The following DOK4 variants were observed in gnomAD, a reference collection of about 807,000 sequenced individuals.
DOK4 encodes the protein downstream of tyrosine kinase 4.
In DOK4, 26 loss-of-function variants were observed where a neutral mutation model predicts 40.1. The observed-to-expected ratio is 0.65, with a 90% CI of 0.48 to 0.90. The LOEUF is 0.90. Ranked by LOEUF, DOK4 falls within the 40% of genes least tolerant of loss-of-function variation. DOK4 has a pLI of 0.00. For missense variants in DOK4, 392 were observed against 437.2 expected (o/e 0.90, Z 0.92); for synonymous variants, 179 against 177.0 (o/e 1.01, Z -0.09).
intron 1 of DOK4, among the ~76,000 whole-genome samples, chr16:57,480,768 CAG>C (rs1390958119): frequency 6.6e-6 from 1 of 152,196 alleles, no homozygotes; most frequent in African/African-American, 2.4e-5. Context: ...GACTCAGACT[CAG>C]GGGGAGGCTC....
At chr16:57,482,607 TC>T (rs1483563831) in intron 1 of DOK4, among the ~76,000 whole-genome samples, 1 of 151,990 alleles carries the variant, frequency 6.6e-6, no homozygotes, top group East Asian at 1.9e-4. Context: ...GACCTTGTGA[TC>T]CACCCGCCTC....
intron 4 of DOK4, 96 bp from the exon 5 acceptor site, chr16:57,475,315 T>TA: frequency 6.5e-7 from 1 of 1,547,246 alleles, no homozygotes; most frequent in Non-Finnish European, 8.7e-7. Context: ...GCAGGGAGGG[T>TA]AAGGACAGTG....
Position 57,474,485 on chromosome 16 carries a change from T to C in DOK4, c.599+308A>G, listed in dbSNP as rs543153045. Among the ~76,000 whole-genome samples the C allele has an allele frequency of 8.5e-5, 13 of 152,284 alleles. No homozygotes were observed. The South Asian group carries it at 2.7e-3, about 32-fold the overall frequency. On this transcript the variant is annotated intron_variant, in intron 6 of 8. Transcript: ENST00000340099. ...TAATTCTAGGAGGTTAGGTACTTTA[T>C]TATCCCCGAAACCCAGACTCAGATC...
chr16:57,486,444 G>A (rs1424978520), exon 1 of DOK4: 1 of 151,946 alleles, frequency 6.6e-6, no homozygotes, highest in Non-Finnish European at 1.5e-5. Flanking sequence ...AGGGAGGCGC[G>A]GCCGCAGGGC....
chr16:57,476,045 G>A (rs751379164), intron 2 of DOK4, 88 bp from the exon 3 acceptor site: 38 of 1,132,290 alleles, frequency 3.4e-5, no homozygotes, highest in Non-Finnish European at 4.1e-5. Context: ...CCTGCCACAG[G>A]GGGCGGTGCC....
intron 1 of DOK4, chr16:57,481,981 C>T (rs1462332464): frequency 6.6e-6 from 1 of 152,124 alleles, no homozygotes; most frequent in Admixed American, 6.6e-5. Flanking sequence ...TCTCCTGCCT[C>T]GGCTTCCCGA....
In DOK4 at chr16:57,478,321, A is replaced by G. The variant is rs533505563; in HGVS notation, c.66+1121T>C. Among the ~76,000 whole-genome samples the G allele has an allele frequency of 2.6e-5, 4 of 152,184 alleles. No homozygotes were observed. In the East Asian group the frequency reaches 5.8e-4, roughly 22 times the overall value. ...ACCAGCCCTGCTCTGTCTGGTACCC[A>G]GGTAGGGAAGCTGGGTGGCAGATCC... On this transcript the variant is annotated intron_variant, in intron 2 of 8. Coordinates refer to ENST00000340099, the Ensembl canonical transcript of DOK4.
chr16:57,481,870 CTTTTTCTTTTTT>C (rs1421530343), intron 1 of DOK4: 1 of 152,194 alleles, frequency 6.6e-6, no homozygotes, highest in Non-Finnish European at 1.5e-5. Context: ...TTTTCTTTTT[CTTTTTCTTTTTT>C]GAGACGGAGT....
In DOK4 at chr16:57,479,183, C is replaced by G. The variant is rs2031314714; in HGVS notation, c.66+259G>C. ...GAGCCGCCTGCCCATCGGTGGCCAC[C>G]ATTGCTGCCACTACCACCACCACTG... On this transcript the variant is annotated intron_variant, in intron 2 of 8. Transcript: ENST00000340099. The surrounding 1 kb of genome is among the most constrained non-coding windows in gnomAD (Gnocchi z 5.8). Among the ~76,000 whole-genome samples the G allele has an allele frequency of 1.3e-5, 2 of 152,250 alleles. No individual in the cohort carries two copies. Among genetic ancestry groups the G allele is most frequent in the African/African-American group, 4.8e-5 (2 of 41,476 alleles).
chr16:57,483,308 A>C (rs539018501), intron 1 of DOK4, among the ~76,000 whole-genome samples: 3 of 152,298 alleles, frequency 2.0e-5, no homozygotes, highest in East Asian at 1.9e-4. Flanking sequence ...CCCCAAGCTG[A>C]GCCTGTGAAG....
intron 6 of DOK4, 72 bp downstream of exon 6, chr16:57,474,721 G>T: frequency 6.4e-7 from 1 of 1,557,276 alleles, no homozygotes; most frequent in Non-Finnish European, 8.7e-7. Context: ...CTAGCACAGT[G>T]CCCAACACAG....
exon 1 of DOK4, chr16:57,486,397 GGGC>G: frequency 2.0e-5 from 3 of 151,560 alleles, no homozygotes; most frequent in South Asian, 1.8e-4. Context: ...GGGGGCGGCA[GGGC>G]GGCGGCGGCG....
chr16:57,476,333 G>T (rs772486442), intron 2 of DOK4: 8 of 188,678 alleles, frequency 4.2e-5, no homozygotes, highest in Non-Finnish European at 6.6e-5. Flanking sequence ...GATCAGTTCT[G>T]TTATCATCCC....
In DOK4 at chr16:57,473,891, G is replaced by A. The variant is rs747496315; in HGVS notation, c.738+10C>T. The A allele has an allele frequency of 4.7e-5, 57 of 1,214,350 alleles. No individual in the cohort carries two copies. The highest frequency in any genetic ancestry group is 2.2e-4 in the Middle Eastern group (1 of 4,476). The allele number at this position is 1,214,350 out of a possible 1,614,324, so 75.2% of individuals were successfully genotyped here. A position where few individuals can be genotyped will look rare whatever the true frequency, so the allele number is the denominator to read the frequency against. On this transcript the variant is annotated intron_variant, in intron 7 of 8. Coordinates refer to ENST00000340099, the Ensembl canonical transcript of DOK4. ...CCCCCCGTACCCTGGACTGATGCCC[G>A]CTGCCTCACCCTCACGTTCTTCTCC...
upstream of DOK4, among the ~76,000 whole-genome samples, chr16:57,486,828 A>C (rs1394029293): frequency 6.6e-6 from 1 of 150,648 alleles, no homozygotes; most frequent in African/African-American, 2.5e-5. Flanking sequence ...CAATTCCTTC[A>C]CTTCTTCAGG....
At chr16:57,484,457 A>C (rs1482704186) in intron 1 of DOK4, among the ~76,000 whole-genome samples, 1 of 152,214 alleles carries the variant, frequency 6.6e-6, no homozygotes, top group African/African-American at 2.4e-5. Flanking sequence ...ACCGGCCAAA[A>C]CATGGTGAGT....
intron 1 of DOK4, among the ~76,000 whole-genome samples, chr16:57,481,293 C>A (rs2031400935): frequency 6.6e-6 from 1 of 152,220 alleles, no homozygotes; most frequent in Non-Finnish European, 1.5e-5. Flanking sequence ...GCGCCCCTAT[C>A]CCACTTGCAC....
chr16:57,473,523 T>G, intron 8 of DOK4, 28 bp from the exon 9 acceptor site: 1 of 1,614,166 alleles, frequency 6.2e-7, no homozygotes, highest in Non-Finnish European at 8.5e-7. Flanking sequence ...GGCTCAGAAC[T>G]CAGAGCTAGG....
intron 1 of DOK4, among the ~76,000 whole-genome samples, chr16:57,482,853 T>C (rs1460908968): frequency 6.6e-6 from 1 of 152,202 alleles, no homozygotes; most frequent in Admixed American, 6.5e-5. Flanking sequence ...CTTCAAGAGT[T>C]GCTGCCCAGA....
Sources: gnomAD v4.1 joint callset for allele counts (sites outside exome capture counted in the v4.1 genomes callset) on GRCh38, gnomAD v4.1.1 for gene constraint, Gnocchi (gnomAD v3.1) non-coding constraint, MANE v1.5 for transcripts, NCBI Gene and HGNC (gene_info 2026-07-23, HGNC 2026-07-21) for gene names.